SNTG1: variants seen among roughly 807,000 people sequenced by gnomAD.
SNTG1 encodes the protein gamma-1-syntrophin.
SNTG1 carries 39 observed loss-of-function variants against 74.7 expected under a neutral mutation model. That is an observed-to-expected ratio of 0.52 (90% CI 0.40 to 0.68). The LOEUF is 0.68. Among genes scored for constraint, SNTG1 ranks in the 30% least tolerant of loss-of-function variants. SNTG1 has a pLI of 0.00. For missense variants in SNTG1, 685 were observed against 609.5 expected, an observed-to-expected ratio of 1.12 and a Z score of -1.30; for synonymous variants, 254 against 217.1, an observed-to-expected ratio of 1.17 and a Z score of -1.49.
intron 2 of SNTG1, among the ~76,000 whole-genome samples, chr8:50,189,804 G>GT: frequency 6.6e-6 from 1 of 152,128 alleles, no homozygotes; most frequent in East Asian, 1.9e-4. Context: ...AAAATATAGT[G>GT]TTTTTCAAAA....
At chr8:50,729,282 A>AG (rs1369872085) in intron 17 of SNTG1, among the ~76,000 whole-genome samples, 2 of 152,204 alleles carry the variant, frequency 1.3e-5, no homozygotes, top group Non-Finnish European at 2.9e-5. Context: ...AGGCAGACAG[A>AG]GTCCAAATAT....
intron 2 of SNTG1, among the ~76,000 whole-genome samples, chr8:50,294,544 A>G (rs539233482): frequency 6.6e-6 from 1 of 152,302 alleles, no homozygotes; most frequent in South Asian, 2.1e-4. Context: ...CAAAGGTTGC[A>G]TGCTGGCAGA....
intron 8 of SNTG1, among the ~76,000 whole-genome samples, chr8:50,458,412 A>T (rs182079727): frequency 2.2e-4 from 33 of 152,280 alleles, no homozygotes; most frequent in Middle Eastern, 3.4e-3. Flanking sequence ...GTTGGGAAAC[A>T]TCTCAAAATG....
chr8:50,535,889 A>ACCCCCCC (rs1304268095), intron 10 of SNTG1, among the ~76,000 whole-genome samples: 7 of 152,226 alleles, frequency 4.6e-5, no homozygotes, highest in Non-Finnish European at 1.0e-4. Context: ...TGAGCTTACA[A>ACCCCCCC]CCCATGCCAA....
At chr8:50,234,913 TGG>T (rs935305265) in intron 2 of SNTG1, among the ~76,000 whole-genome samples, 18 of 151,924 alleles carry the variant, frequency 1.2e-4, no homozygotes, top group African/African-American at 4.3e-4. Flanking sequence ...TTAGTAGATG[TGG>T]AAAAATTGAT....
At chr8:50,505,028 T>C (rs1321247057) in intron 9 of SNTG1, among the ~76,000 whole-genome samples, 1 of 152,200 alleles carries the variant, frequency 6.6e-6, no homozygotes, top group Non-Finnish European at 1.5e-5. Flanking sequence ...AACACCATTG[T>C]ATTTTGTTTA....
intron 2 of SNTG1, among the ~76,000 whole-genome samples, chr8:50,349,226 C>G (rs746706165): frequency 6.6e-6 from 1 of 152,160 alleles, no homozygotes; most frequent in African/African-American, 2.4e-5. Flanking sequence ...AACAAATTGT[C>G]TGTGGGGACC....
intron 1 of SNTG1, among the ~76,000 whole-genome samples, chr8:49,973,732 G>T (rs1197953929): frequency 6.6e-6 from 1 of 152,120 alleles, no homozygotes; most frequent in South Asian, 2.1e-4. Context: ...ACTTAAAACT[G>T]TAGAATAAAA....
chr8:50,359,273 A>G (rs1214545523), intron 2 of SNTG1, among the ~76,000 whole-genome samples: 1 of 152,090 alleles, frequency 6.6e-6, no homozygotes, highest in Non-Finnish European at 1.5e-5. Flanking sequence ...CACATTTACC[A>G]CATTTATGCC....
At chr8:49,927,212 A>G (rs1042538270) in intron 1 of SNTG1, among the ~76,000 whole-genome samples, 4 of 152,168 alleles carry the variant, frequency 2.6e-5, no homozygotes, top group Non-Finnish European at 4.4e-5. Context: ...ACAAGACTAA[A>G]CATACTCTTA....
chr8:50,311,823 C>T (rs1217962455), intron 2 of SNTG1, among the ~76,000 whole-genome samples: 1 of 151,988 alleles, frequency 6.6e-6, no homozygotes, highest in Non-Finnish European at 1.5e-5. Flanking sequence ...TTTGACTGAC[C>T]CAAGAGTAAT....
At chr8:50,742,780 T>C (rs2131668517) in intron 17 of SNTG1, among the ~76,000 whole-genome samples, 1 of 151,768 alleles carries the variant, frequency 6.6e-6, no homozygotes, top group South Asian at 2.1e-4. Context: ...AATTTATAAG[T>C]CTTTAGCCTG....
At chr8:49,946,274 T>C (rs1021456434) in intron 1 of SNTG1, among the ~76,000 whole-genome samples, 1 of 152,322 alleles carries the variant, frequency 6.6e-6, no homozygotes, top group East Asian at 1.9e-4. Context: ...TTCATACTCT[T>C]AAGCATATAA....
chr8:50,081,361 T>C (rs1275912897), intron 1 of SNTG1, among the ~76,000 whole-genome samples: 1 of 152,182 alleles, frequency 6.6e-6, no homozygotes, highest in Non-Finnish European at 1.5e-5. Flanking sequence ...CTTTTTGGCT[T>C]TCAGTAGTTA....
chr8:50,064,305 T>C (rs963673801), intron 1 of SNTG1, among the ~76,000 whole-genome samples: 1 of 152,178 alleles, frequency 6.6e-6, no homozygotes, highest in Non-Finnish European at 1.5e-5. Flanking sequence ...GACCATGAAT[T>C]TGACATTGAT....
At chr8:50,734,807 A>AGAT (rs2095522507) in intron 17 of SNTG1, among the ~76,000 whole-genome samples, 1 of 59,412 alleles carries the variant, frequency 1.7e-5, no homozygotes, top group Non-Finnish European at 3.1e-5. Flanking sequence ...ACATATATAT[A>AGAT]GATATCTATA....
At chr8:50,297,634 G>A (rs139938900) in intron 2 of SNTG1, among the ~76,000 whole-genome samples, 3 of 152,268 alleles carry the variant, frequency 2.0e-5, no homozygotes, top group African/African-American at 4.8e-5. Context: ...GTGTGGAGAC[G>A]CTGGAGAAAA....
intron 1 of SNTG1, among the ~76,000 whole-genome samples, chr8:50,150,166 G>T (rs1469035201): frequency 6.6e-6 from 1 of 152,162 alleles, no homozygotes; most frequent in African/African-American, 2.4e-5. Context: ...TTGTGAAGGG[G>T]TGTTCACTCA....
At chr8:50,515,553 C>A (rs1017506171) in intron 9 of SNTG1, among the ~76,000 whole-genome samples, 2 of 152,046 alleles carry the variant, frequency 1.3e-5, no homozygotes, top group African/African-American at 4.8e-5. Flanking sequence ...GATCCACTGG[C>A]TTGAAATTCT....
Sources: allele counts gnomAD v4.1 joint callset (sites outside exome capture counted in the v4.1 genomes callset), GRCh38; gene constraint gnomAD v4.1.1; transcripts MANE v1.5; gene names NCBI Gene and HGNC (gene_info 2026-07-23, HGNC 2026-07-21).